OCA2: variants seen among roughly 807,000 people sequenced by gnomAD.
OCA2 encodes P protein.
Under a neutral mutation model 100.2 loss-of-function variants are expected in OCA2, and 77 were observed. The observed-to-expected ratio is 0.77, with a 90% CI of 0.64 to 0.93. OCA2 has a LOEUF of 0.93. Among genes scored for constraint, OCA2 ranks in the 40% least tolerant of loss-of-function variants. OCA2 has a pLI of 0.00. For missense variants in OCA2, 1,062 were observed against 1,089.1 expected (o/e 0.98, Z 0.35); for synonymous variants, 432 against 439.2 (o/e 0.98, Z 0.21).
chr15:27,796,369 C>T (rs74005207), intron 23 of OCA2, among the ~76,000 whole-genome samples: 1,925 of 152,384 alleles, frequency 0.013, 40 homozygotes, highest in African/African-American at 0.043. Flanking sequence ...CCCTGTCCCA[C>T]GTGGACACCA....
chr15:27,756,940 G>A (rs1456802981), intron 23 of OCA2, among the ~76,000 whole-genome samples: 1 of 152,206 alleles, frequency 6.6e-6, no homozygotes, highest in Non-Finnish European at 1.5e-5. Flanking sequence ...CAGAGAAGGA[G>A]CATCACCTAG....
chr15:27,748,652 G>T, the OCA2 span, among the ~76,000 whole-genome samples: 2 of 152,060 alleles, frequency 1.3e-5, no homozygotes, highest in Non-Finnish European at 2.9e-5. Context: ...GCAATGATCC[G>T]GAAAATTAAA....
chr15:27,948,863 T>C (rs888182363), intron 18 of OCA2, among the ~76,000 whole-genome samples: 2 of 152,148 alleles, frequency 1.3e-5, no homozygotes, highest in African/African-American at 4.8e-5. Flanking sequence ...TACGATCTGA[T>C]TCCATGTATA....
chr15:28,087,923 G>A (rs144246638), intron 1 of OCA2, among the ~76,000 whole-genome samples: 2,079 of 152,114 alleles, frequency 0.014, 37 homozygotes, highest in African/African-American at 0.047. Context: ...ATAGCCAGGC[G>A]TGGTGGCAGA....
chr15:28,056,500 G>A (rs750771253), intron 2 of OCA2, among the ~76,000 whole-genome samples: 2 of 152,224 alleles, frequency 1.3e-5, no homozygotes, highest in African/African-American at 2.4e-5. Context: ...CTGGGAAAAC[G>A]GTTGCCCTCC....
At chr15:27,914,300 A>G (rs184226352) in intron 19 of OCA2, among the ~76,000 whole-genome samples, 1 of 152,298 alleles carries the variant, frequency 6.6e-6, no homozygotes, top group Non-Finnish European at 1.5e-5. Context: ...GAGAACTGGA[A>G]CAAGATAAGG....
At chr15:27,728,715 G>C in the OCA2 span, among the ~76,000 whole-genome samples, 1 of 152,154 alleles carries the variant, frequency 6.6e-6, no homozygotes, top group Non-Finnish European at 1.5e-5. Context: ...AGAGGAAGAG[G>C]CTCTCTGGTT....
intron 23 of OCA2, among the ~76,000 whole-genome samples, chr15:27,801,435 C>T (rs942135402): frequency 6.6e-6 from 1 of 151,176 alleles, no homozygotes; most frequent in African/African-American, 2.4e-5. Flanking sequence ...GCCTATAGTC[C>T]CAGCTACTTG....
chr15:27,925,386 GACC>G (rs1438974980), intron 19 of OCA2, among the ~76,000 whole-genome samples: 2 of 152,124 alleles, frequency 1.3e-5, no homozygotes, highest in Non-Finnish European at 2.9e-5. Context: ...TATGTCCTGT[GACC>G]ACAACTGAAT....
chr15:27,928,768 T>C (rs900642841), intron 18 of OCA2, among the ~76,000 whole-genome samples: 2 of 152,218 alleles, frequency 1.3e-5, no homozygotes, highest in African/African-American at 4.8e-5. Flanking sequence ...CTCCTGCCTC[T>C]TCTTCTGTCA....
intron 6 of OCA2, among the ~76,000 whole-genome samples, chr15:28,021,822 C>T (rs1241541169): frequency 6.6e-6 from 1 of 152,184 alleles, no homozygotes; most frequent in Non-Finnish European, 1.5e-5. Flanking sequence ...GAAAAAGTAG[C>T]TCTTACCCCA....
chr15:28,035,365 T>C (rs1430890693), intron 2 of OCA2, among the ~76,000 whole-genome samples: 1 of 152,208 alleles, frequency 6.6e-6, no homozygotes, highest in African/African-American at 2.4e-5. Flanking sequence ...ACCATCCGGA[T>C]ACCATTTTCA....
intron 18 of OCA2, chr15:27,950,439 T>C (rs776493645): frequency 5.6e-5 from 25 of 446,784 alleles, no homozygotes; most frequent in Non-Finnish European, 8.0e-5. Context: ...ATCCACCAAA[T>C]ACAATTGAAA....
chr15:27,784,643 G>A (rs1008469965), intron 23 of OCA2, among the ~76,000 whole-genome samples: 3 of 152,062 alleles, frequency 2.0e-5, no homozygotes, highest in Admixed American at 6.6e-5. Context: ...CAGAGAGATG[G>A]GAAGAACAAA....
the OCA2 span, among the ~76,000 whole-genome samples, chr15:27,749,090 A>G: frequency 3.9e-5 from 6 of 152,340 alleles, no homozygotes; most frequent in South Asian, 1.2e-3. Context: ...CGATTTTGGT[A>G]AAAGAAATCT....
At chr15:28,017,100 A>G (rs2042421372) in intron 7 of OCA2, among the ~76,000 whole-genome samples, 3 of 151,928 alleles carry the variant, frequency 2.0e-5, no homozygotes, top group Non-Finnish European at 4.4e-5. Flanking sequence ...GAAGATGCGA[A>G]TCTCGCCCAC....
At chr15:27,721,983 C>T in the OCA2 span, among the ~76,000 whole-genome samples, 2 of 152,204 alleles carry the variant, frequency 1.3e-5, no homozygotes, top group African/African-American at 4.8e-5. Context: ...GATGGAGACA[C>T]ATTTGTATCT....
At chr15:27,963,478 T>G (rs1427715632) in intron 15 of OCA2, among the ~76,000 whole-genome samples, 2 of 152,026 alleles carry the variant, frequency 1.3e-5, no homozygotes, top group Non-Finnish European at 2.9e-5. Context: ...CTGCAAAAAC[T>G]TTCCCAAATA....
At chr15:27,948,335 C>T (rs565320201) in intron 18 of OCA2, among the ~76,000 whole-genome samples, 38 of 152,282 alleles carry the variant, frequency 2.5e-4, no homozygotes, top group Non-Finnish European at 4.7e-4. Flanking sequence ...ATAAAATCTA[C>T]ACCCACCATA....
Sources: gnomAD v4.1 joint callset for allele counts (sites outside exome capture counted in the v4.1 genomes callset) on GRCh38, gnomAD v4.1.1 for gene constraint, MANE v1.5 for transcripts, NCBI Gene and HGNC (gene_info 2026-07-23, HGNC 2026-07-21) for gene names.